The following TMEM232 variants were observed in gnomAD, a reference collection of about 807,000 sequenced individuals.
TMEM232 encodes transmembrane protein 232.
Under a neutral mutation model 78.8 loss-of-function variants are expected in TMEM232, and 80 were observed. The observed-to-expected ratio is 1.01, with a 90% confidence interval of 0.85 to 1.22. The LOEUF (loss-of-function observed/expected upper bound fraction) is 1.22. Ranked by LOEUF, TMEM232 falls within the 50% of genes most tolerant of loss-of-function variation. TMEM232 has a pLI of 0.00. For synonymous variants in TMEM232, 297 were observed against 254.3 expected (o/e 1.17, Z -1.60); for missense variants, 881 against 742.2 (o/e 1.19, Z -2.17).
At chr5:110,608,100 T>C (rs542896873) in intron 8 of TMEM232, among the ~76,000 whole-genome samples, 1 of 151,810 alleles carries the variant, frequency 6.6e-6, no homozygotes. Flanking sequence ...AACTTTAGAG[T>C]TGGAAACATC....
At chr5:110,625,182 T>C in intron 7 of TMEM232, 85 bp downstream of exon 7, 1 of 1,325,314 alleles carries the variant, frequency 7.5e-7, no homozygotes, top group Non-Finnish European at 9.9e-7. Flanking sequence ...ATGTCTACTG[T>C]ATTGATAAGC....
intron 12 of TMEM232, among the ~76,000 whole-genome samples, chr5:110,503,783 CT>C (rs1397316318): frequency 6.6e-6 from 1 of 152,150 alleles, no homozygotes; most frequent in African/African-American, 2.4e-5. Flanking sequence ...AATGTTTCTC[CT>C]TCACCTTACC....
At chr5:110,464,601 A>T (rs1038040666) in intron 12 of TMEM232, among the ~76,000 whole-genome samples, 4 of 152,206 alleles carry the variant, frequency 2.6e-5, no homozygotes, top group African/African-American at 9.6e-5. Flanking sequence ...TATCACAAAG[A>T]ATCAGTCAGA....
chr5:110,589,280 G>A (rs1779215131), intron 10 of TMEM232, among the ~76,000 whole-genome samples: 1 of 152,118 alleles, frequency 6.6e-6, no homozygotes. Context: ...AACATGGGAA[G>A]TGTTTTAATG....
At chr5:110,437,332 GA>G (rs1267049668) in intron 12 of TMEM232, among the ~76,000 whole-genome samples, 1 of 150,768 alleles carries the variant, frequency 6.6e-6, no homozygotes, top group Non-Finnish European at 1.5e-5. Flanking sequence ...CAAAATTATA[GA>G]AAAAAACATA....
upstream of TMEM232, chr5:110,738,365 G>A: frequency 3.1e-6 from 2 of 649,110 alleles, no homozygotes; most frequent in South Asian, 5.8e-5. Context: ...AAAAAAATAC[G>A]ACAGAAAACT....
chr5:110,694,756 C>A (rs1262294250), intron 1 of TMEM232, among the ~76,000 whole-genome samples: 1 of 151,966 alleles, frequency 6.6e-6, no homozygotes. Context: ...AACTAACTAT[C>A]CTAAATATAT....
intron 12 of TMEM232, among the ~76,000 whole-genome samples, chr5:110,447,546 G>A (rs1759804020): frequency 6.6e-6 from 1 of 152,058 alleles, no homozygotes; most frequent in Admixed American, 6.6e-5. Flanking sequence ...CTAAATTATT[G>A]CAAGGCAAGA....
intron 12 of TMEM232, among the ~76,000 whole-genome samples, chr5:110,517,613 T>C (rs1768865577): frequency 6.6e-6 from 1 of 152,140 alleles, no homozygotes; most frequent in African/African-American, 2.4e-5. Flanking sequence ...CACATTCACA[T>C]AGACTATGTG....
chr5:110,667,354 A>T lies in TMEM232; in HGVS notation c.-2T>A. ...TGATTTGTTAACAGGCATATTCATA[A>T]ATCATAAATTCTAAAAGGAATATTA... On this transcript the variant is annotated 5_prime_UTR_variant, in exon 2 of 14. Transcript: ENST00000455884. The T allele has an allele frequency of 6.7e-7, 1 of 1,500,680 alleles. No homozygotes were observed. Among genetic ancestry groups the T allele is most frequent in the Non-Finnish European group, 8.9e-7 (1 of 1,120,384 alleles). 93.0% of individuals were successfully genotyped at this position (1,500,680 alleles called of 1,614,324 possible).
Position 110,606,911 on chromosome 5 carries a change from A to G in TMEM232, c.903-624T>C, listed in dbSNP as rs534444010. 7.0e-4 allele frequency among the ~76,000 whole-genome samples: 107 copies of G among 152,172 alleles called. 1 individual carries two copies. The highest frequency in any genetic ancestry group is 2.5e-3 in the African/African-American group (102 of 41,576). On this transcript the variant is annotated intron_variant, in intron 8 of 13. Transcript: ENST00000455884. ...ATTACATATTTGTGATACTTTTACT[A>G]AATGAAAAATAGTTTGAAAGAGAAC... is the stretch of plus-strand genomic sequence containing the variant.
At chr5:110,498,255 C>T (rs1344245047) in intron 12 of TMEM232, among the ~76,000 whole-genome samples, 1 of 152,170 alleles carries the variant, frequency 6.6e-6, no homozygotes, top group African/African-American at 2.4e-5. Flanking sequence ...TTCCCTGTAG[C>T]TGCCTCATTT....
chr5:110,701,025 C>T (rs1274917362), intron 1 of TMEM232, among the ~76,000 whole-genome samples: 2 of 151,800 alleles, frequency 1.3e-5, no homozygotes, highest in African/African-American at 4.8e-5. Flanking sequence ...ACCATTCTTT[C>T]CTTTTGGTGC....
At chr5:110,540,448 T>C (rs1449763495) in intron 11 of TMEM232, among the ~76,000 whole-genome samples, 2 of 152,178 alleles carry the variant, frequency 1.3e-5, no homozygotes, top group Non-Finnish European at 2.9e-5. Context: ...AAAACCCAGA[T>C]GTAACCCTTG....
chr5:110,459,187 C>G (rs759960937), intron 12 of TMEM232, among the ~76,000 whole-genome samples: 1 of 152,036 alleles, frequency 6.6e-6, no homozygotes, highest in Non-Finnish European at 1.5e-5. Flanking sequence ...TTGGAAATAT[C>G]AACTTTCTAC....
intron 1 of TMEM232, among the ~76,000 whole-genome samples, chr5:110,700,770 GTAGATAGA>G (rs58050519): frequency 7.6e-6 from 1 of 131,154 alleles, no homozygotes; most frequent in Admixed American, 7.5e-5. Context: ...AGGTAGGTAG[GTAGATAGA>G]TAGATAGGTA....
intron 2 of TMEM232, among the ~76,000 whole-genome samples, chr5:110,408,372 AC>A (rs1049207447): frequency 6.6e-6 from 1 of 152,168 alleles, no homozygotes; most frequent in Admixed American, 6.6e-5. Flanking sequence ...TGGGTGGATC[AC>A]TTGAGGTCAG....
At chr5:110,563,924 C>T (rs1776040324) in intron 11 of TMEM232, among the ~76,000 whole-genome samples, 1 of 151,844 alleles carries the variant, frequency 6.6e-6, no homozygotes, top group Non-Finnish European at 1.5e-5. Flanking sequence ...AAATGATGAA[C>T]TTCTTGTGTT....
chr5:110,594,064 A>G (rs72771453), intron 10 of TMEM232, among the ~76,000 whole-genome samples: 13,970 of 151,998 alleles, frequency 0.092, 655 homozygotes, highest in Admixed American at 0.13. Flanking sequence ...AGTGAAACCA[A>G]CGCAGAAGGT....
Sources: gnomAD v4.1 joint callset for allele counts (sites outside exome capture counted in the v4.1 genomes callset) on GRCh38, gnomAD v4.1.1 for gene constraint, MANE v1.5 for transcripts, NCBI Gene and HGNC (gene_info 2026-07-23, HGNC 2026-07-21) for gene names.